Variants in EMID1 observed in about 807,000 individuals in gnomAD.
The protein encoded by EMID1 is EMI domain-containing protein 1.
Under a neutral mutation model 60.6 loss-of-function variants are expected in EMID1, and 40 were observed. The observed-to-expected ratio is 0.66, with a 90% CI of 0.51 to 0.86. EMID1 has a LOEUF of 0.86. Ranked by LOEUF, EMID1 falls within the 40% of genes least tolerant of loss-of-function variation. The pLI, the probability that EMID1 is intolerant of heterozygous loss-of-function variation, is 0.00. For missense variants in EMID1, 585 were observed against 597.1 expected (o/e 0.98, Z 0.21); for synonymous variants, 242 against 231.0 (o/e 1.05, Z -0.43).
chr22:29,242,947 C>G (rs1352663341), intron 12 of EMID1, among the ~76,000 whole-genome samples: 1 of 152,234 alleles, frequency 6.6e-6, no homozygotes, highest in Non-Finnish European at 1.5e-5. Flanking sequence ...GGTTCTCCCC[C>G]TCTGGGCTCC....
chr22:29,243,433 C>T lies in EMID1; in HGVS notation c.1075-12C>T. On this transcript the variant is annotated splice_polypyrimidine_tract_variant and intron_variant, in intron 12 of 14. Transcript: ENST00000334018. ...CCTTCCTCACTGCTGCTATCTCTGT[C>T]TCTCCTTGCAGGGGGAACCTGGCCC... The T allele has an allele frequency of 6.2e-7, 1 of 1,613,816 alleles. No individual in the cohort carries two copies. Among genetic ancestry groups the T allele is most frequent in the Admixed American group, 1.7e-5 (1 of 59,994 alleles).
chr22:29,258,968 G>GA lies in EMID1; in HGVS notation c.*25dup, dbSNP rs2041810644. Reference sequence around the variant, plus strand: ...GAGGGTGGTGGCGGCCCCTGAGGCAGACCAGGCCAGGCTTCCCCTCCTACC... The same window carrying GA: ...GAGGGTGGTGGCGGCCCCTGAGGCAGAACCAGGCCAGGCTTCCCCTCCTACC... On this transcript the variant is annotated 3_prime_UTR_variant, in exon 15 of 15. Coordinates refer to ENST00000334018, the MANE Select transcript of EMID1 (RefSeq NM_133455.4). 2.5e-6 allele frequency: 4 copies of GA among 1,605,412 alleles called. No individual in the cohort carries two copies. The highest frequency in any genetic ancestry group is 4.5e-5 in the East Asian group (2 of 44,458).
intron 3 of EMID1, among the ~76,000 whole-genome samples, chr22:29,219,268 C>G (rs925176558): frequency 6.6e-6 from 1 of 152,176 alleles, no homozygotes; most frequent in African/African-American, 2.4e-5. Context: ...AAGCCAGTCT[C>G]AGCCCCAGCT....
chr22:29,221,107 G>A (rs1292533168), intron 3 of EMID1, among the ~76,000 whole-genome samples: 1 of 124,626 alleles, frequency 8.0e-6, no homozygotes, highest in Non-Finnish European at 1.6e-5. Flanking sequence ...GTGTGTGTGT[G>A]TGTGTGTGTG....
chr22:29,215,189 G>A (rs2040039220), intron 2 of EMID1, 150 bp downstream of exon 2: 2 of 1,421,616 alleles, frequency 1.4e-6, no homozygotes, highest in Non-Finnish European at 1.8e-6. Flanking sequence ...ACCATTCTCA[G>A]CCTATCCCCT....
Position 29,205,960 on chromosome 22 carries a change from G to T in EMID1, c.-79G>T. The T allele has an allele frequency of 1.1e-6, 1 of 892,040 alleles. No individual in the cohort carries two copies. Among genetic ancestry groups the T allele is most frequent in the Non-Finnish European group, 1.4e-6 (1 of 721,300 alleles). The allele number at this position is 892,040 out of a possible 1,614,324, so 55.3% of individuals were successfully genotyped here. On this transcript the variant is annotated 5_prime_UTR_variant, in exon 1 of 15. Coordinates refer to ENST00000334018, the MANE Select transcript of EMID1 (RefSeq NM_133455.4). Reference sequence around the variant, plus strand: ...GCTCCGCGCGTCCGGGGCGGCTGGCGGCGCGGGCAGGCAGGCGGGGAGGAC... The same window carrying T: ...GCTCCGCGCGTCCGGGGCGGCTGGCTGCGCGGGCAGGCAGGCGGGGAGGAC...
chr22:29,232,238 C>T lies in EMID1; in HGVS notation c.677-18C>T, dbSNP rs752839840. ...CTTGCCTCCTGTATACCCACAAATCCGTGTGATTCCATTGCAGGTCCACAG... is the reference window on the plus strand; with the variant it reads ...CTTGCCTCCTGTATACCCACAAATCTGTGTGATTCCATTGCAGGTCCACAG... On this transcript the variant is annotated intron_variant, in intron 7 of 14. Coordinates refer to ENST00000334018, the MANE Select transcript of EMID1 (RefSeq NM_133455.4). 2.5e-5 allele frequency: 41 copies of T among 1,611,328 alleles called. No homozygotes were observed. The highest frequency in any genetic ancestry group is 2.0e-4 in the Admixed American group (12 of 59,990).
intron 3 of EMID1, among the ~76,000 whole-genome samples, 156 bp downstream of exon 3, chr22:29,215,786 G>C (rs1379314260): frequency 6.6e-6 from 1 of 152,140 alleles, no homozygotes; most frequent in African/African-American, 2.4e-5. Context: ...GTCAGTGCTT[G>C]TTGTCCCCCC....
intron 1 of EMID1, among the ~76,000 whole-genome samples, chr22:29,206,477 C>A (rs1000729457): frequency 1.6e-4 from 25 of 152,218 alleles, no homozygotes; most frequent in African/African-American, 6.0e-4. Context: ...CACCCCCTAG[C>A]CGACTCTTCT....
rs548304471 is a variant in EMID1, at chr22:29,259,336, C to T, written c.*392C>T. On this transcript the variant is annotated 3_prime_UTR_variant, in exon 15 of 15. Transcript: ENST00000334018. ...TTCCTCCCCCTCCCCGACCAAACCT[C>T]GGGGAGCCCTCCTGTGCCCCTCCCT... The T allele has an allele frequency of 8.8e-6, 2 of 227,122 alleles. No individual in the cohort carries two copies. The highest frequency in any genetic ancestry group is 5.7e-5 in the South Asian group (1 of 17,608). 14.1% of individuals were successfully genotyped at this position (227,122 alleles called of 1,614,324 possible).
chr22:29,207,324 C>G (rs1051608467), intron 1 of EMID1, among the ~76,000 whole-genome samples: 1 of 152,190 alleles, frequency 6.6e-6, no homozygotes, highest in African/African-American at 2.4e-5. Context: ...GAGTCGGCTC[C>G]GTTACCTGCA....
chr22:29,232,425 C>T, intron 8 of EMID1, 23 bp downstream of exon 8: 1 of 1,535,056 alleles, frequency 6.5e-7, no homozygotes, highest in Non-Finnish European at 8.7e-7. Context: ...GGGATCCCAG[C>T]AGGTGGAGGT....
chr22:29,233,668 T>G lies in EMID1; in HGVS notation c.966+2T>G. On this transcript the variant is annotated splice_donor_variant, in intron 10 of 14. Coordinates refer to ENST00000334018, the MANE Select transcript of EMID1 (RefSeq NM_133455.4). LOFTEE classifies it high-confidence loss of function. ...GTCCCTGGGAGTCCTGGTCACATAG[T>G]GAGTAGTTCTCCTTGTACTCTCACC... 6.2e-7 allele frequency: 1 copy of G among 1,613,564 alleles called. No individual in the cohort carries two copies. Among genetic ancestry groups the G allele is most frequent in the South Asian group, 1.1e-5 (1 of 91,040 alleles).
Position 29,236,935 on chromosome 22 carries a change from T to C in EMID1, c.1074+2586T>C, listed in dbSNP as rs1369610912. On this transcript the variant is annotated intron_variant, in intron 12 of 14. Transcript: ENST00000334018. The stretch of plus-strand genomic sequence containing the variant: ...CCTCAGCCTCCCAAGTAGCTGGGAC[T>C]ACAGGCGCCCACCACCATACCTGGC... Among the ~76,000 whole-genome samples, 4 of 151,630 alleles carry C rather than the reference T, an allele frequency of 2.6e-5. No individual in the cohort carries two copies. The East Asian group carries it at 8.0e-4, about 30-fold the overall frequency.
chr22:29,233,031 GTAACA>G lies in EMID1; in HGVS notation c.824-346_824-342del, dbSNP rs201091326. The G allele has an allele frequency of 9.6e-3, 2,943 of 306,796 alleles. 51 individuals carry two copies. Among genetic ancestry groups the G allele is most frequent in the Admixed American group, 0.017 (379 of 22,580 alleles). 19.0% of individuals were successfully genotyped at this position (306,796 alleles called of 1,614,324 possible). ...GACAGTGCCAGCCTCCCAGAGCTGC[GTAACA>G]TCCATGTACAGAAGCCTGGCACACA... On this transcript the variant is annotated intron_variant, in intron 8 of 14. Transcript: ENST00000334018.
chr22:29,208,286 G>T (rs132371), intron 1 of EMID1, among the ~76,000 whole-genome samples: 1 of 152,022 alleles, frequency 6.6e-6, no homozygotes, highest in Non-Finnish European at 1.5e-5. Flanking sequence ...GCTTTGTCCT[G>T]GGGAGGGGGT....
At chr22:29,208,143 C>T (rs1479751106) in intron 1 of EMID1, among the ~76,000 whole-genome samples, 1 of 152,182 alleles carries the variant, frequency 6.6e-6, no homozygotes, top group Non-Finnish European at 1.5e-5. Flanking sequence ...GCTACCAGAA[C>T]CTCCACTTGT....
At chr22:29,233,917 G>A (rs934942695) in intron 10 of EMID1, 3 of 662,494 alleles carry the variant, frequency 4.5e-6, no homozygotes, top group Admixed American at 3.0e-5. Flanking sequence ...AGAGATTCTT[G>A]TGCCAGCACA....
intron 1 of EMID1, among the ~76,000 whole-genome samples, chr22:29,210,334 A>G (rs943892163): frequency 3.3e-5 from 5 of 149,306 alleles, no homozygotes; most frequent in African/African-American, 7.4e-5. Context: ...GCTCACCGCA[A>G]TCTCTGCCTC....
Sources: gnomAD v4.1 joint callset for allele counts (sites outside exome capture counted in the v4.1 genomes callset) on GRCh38, gnomAD v4.1.1 for gene constraint, MANE v1.5 for transcripts, NCBI Gene and HGNC (gene_info 2026-07-23, HGNC 2026-07-21) for gene names.